Variants in PPP1R9A observed in about 807,000 individuals in gnomAD.
The protein encoded by PPP1R9A is protein phosphatase 1 regulatory subunit 9A, also known as neurabin-1.
PPP1R9A carries 59 observed loss-of-function variants against 141.9 expected under a neutral mutation model. That is an observed-to-expected ratio of 0.42 (90% CI 0.34 to 0.52). The LOEUF is 0.52. Ranked by LOEUF, PPP1R9A falls within the 20% of genes least tolerant of loss-of-function variation. The pLI, the probability that PPP1R9A is intolerant of heterozygous loss-of-function variation, is 0.10. For missense variants in PPP1R9A, 1,444 were observed against 1,611.9 expected, an observed-to-expected ratio of 0.90 and a Z score of 1.78; for synonymous variants, 500 against 569.7, an observed-to-expected ratio of 0.88 and a Z score of 1.74.
intron 5 of PPP1R9A, among the ~76,000 whole-genome samples, chr7:95,185,031 T>C (rs1364218793): frequency 2.0e-5 from 3 of 151,778 alleles, no homozygotes; most frequent in Non-Finnish European, 4.4e-5. Context: ...TTTAAGTTTT[T>C]TTTTTTTTAA....
At chr7:94,913,077 A>C (rs930762644) in intron 2 of PPP1R9A, among the ~76,000 whole-genome samples, 2 of 152,176 alleles carry the variant, frequency 1.3e-5, no homozygotes, top group Admixed American at 6.5e-5. Flanking sequence ...GAATAACTGA[A>C]ATGAACTCTT....
chr7:95,264,258 C>T (rs1172923431), intron 12 of PPP1R9A, among the ~76,000 whole-genome samples: 1 of 152,188 alleles, frequency 6.6e-6, no homozygotes, highest in Non-Finnish European at 1.5e-5. Context: ...TGCTCAGCAC[C>T]TCCATTGGTA....
rs1811508356 is a variant in PPP1R9A, at chr7:95,056,425, T to C, written c.1396-54834T>C. On this transcript the variant is annotated intron_variant, in intron 2 of 19. Transcript: ENST00000433360. ...ATTTCAGTATAACACTGGAGTACTT[T>C]GAGCAGCATAGCAGATATATTTTTT... Among the ~76,000 whole-genome samples the C allele has an allele frequency of 2.0e-5, 3 of 152,198 alleles. No homozygotes were observed. In the South Asian group the frequency reaches 6.2e-4, roughly 31 times the overall value.
intron 2 of PPP1R9A, among the ~76,000 whole-genome samples, chr7:94,989,104 A>G (rs1255812731): frequency 6.6e-6 from 1 of 152,082 alleles, no homozygotes; most frequent in African/African-American, 2.4e-5. Context: ...GTAGGTCTAA[A>G]TGTAGCCTGA....
At chr7:95,234,308 T>C (rs1302699151) in intron 8 of PPP1R9A, among the ~76,000 whole-genome samples, 1 of 152,200 alleles carries the variant, frequency 6.6e-6, no homozygotes, top group Non-Finnish European at 1.5e-5. Flanking sequence ...TTCCTAGAAC[T>C]GGTAAATGAA....
chr7:95,241,046 A>G (rs1240986165), intron 8 of PPP1R9A, among the ~76,000 whole-genome samples: 1 of 152,090 alleles, frequency 6.6e-6, no homozygotes, highest in Admixed American at 6.6e-5. Flanking sequence ...CCCAGTTGCT[A>G]TTTTCTAGCA....
chr7:94,907,565 G>T (rs540424464), upstream of PPP1R9A: 4 of 152,258 alleles, frequency 2.6e-5, no homozygotes, highest in East Asian at 5.8e-4. Context: ...CACGGCCGAG[G>T]GGGTGGGGCG....
chr7:95,063,516 G>T (rs1048998690), intron 2 of PPP1R9A, among the ~76,000 whole-genome samples: 7 of 152,100 alleles, frequency 4.6e-5, no homozygotes, highest in Non-Finnish European at 1.0e-4. Context: ...AGTGAGCTGT[G>T]ATTGTGCCAC....
At chr7:95,097,299 T>C (rs1818174604) in intron 2 of PPP1R9A, among the ~76,000 whole-genome samples, 1 of 152,178 alleles carries the variant, frequency 6.6e-6, no homozygotes, top group Admixed American at 6.5e-5. Context: ...TTGCTGTGAT[T>C]ACAGGTGTGA....
At chr7:95,011,627 A>G (rs190860357) in intron 2 of PPP1R9A, among the ~76,000 whole-genome samples, 1 of 152,250 alleles carries the variant, frequency 6.6e-6, no homozygotes, top group Admixed American at 6.5e-5. Flanking sequence ...TTTAAAAACT[A>G]CTCTACTGGA....
chr7:95,103,093 A>C, intron 2 of PPP1R9A, among the ~76,000 whole-genome samples: 1 of 152,142 alleles, frequency 6.6e-6, no homozygotes, highest in Non-Finnish European at 1.5e-5. Context: ...TTTGGACTTG[A>C]ACTGCAACAT....
At chr7:95,205,544 A>C (rs889781883) in intron 7 of PPP1R9A, among the ~76,000 whole-genome samples, 1 of 152,218 alleles carries the variant, frequency 6.6e-6, no homozygotes, top group African/African-American at 2.4e-5. Context: ...AAAATGCTAA[A>C]AGACATAGTG....
chr7:94,933,061 CAT>C (rs1182600236), intron 2 of PPP1R9A, among the ~76,000 whole-genome samples: 1 of 151,810 alleles, frequency 6.6e-6, no homozygotes, highest in East Asian at 1.9e-4. Flanking sequence ...TATTTAGTGT[CAT>C]ATATATGTAT....
At chr7:95,220,394 C>T (rs535909779) in intron 7 of PPP1R9A, among the ~76,000 whole-genome samples, 56 of 152,156 alleles carry the variant, frequency 3.7e-4, no homozygotes, top group South Asian at 6.2e-4. Context: ...TTGTGATTAG[C>T]GCCATTTAGT....
At chr7:95,138,019 G>A (rs187124777) in intron 4 of PPP1R9A, among the ~76,000 whole-genome samples, 226 of 145,614 alleles carry the variant, frequency 1.6e-3, no homozygotes, top group African/African-American at 5.6e-3. Flanking sequence ...TGCGAACCCC[G>A]CCTCCCAGGT....
chr7:94,944,812 G>A (rs1795720943), intron 2 of PPP1R9A, among the ~76,000 whole-genome samples: 2 of 151,874 alleles, frequency 1.3e-5, no homozygotes, highest in Non-Finnish European at 1.5e-5. Flanking sequence ...TGCATTGGAG[G>A]TAATGCTTTT....
rs1283197275 is a variant in PPP1R9A at position 95,072,813 on chromosome 7, A to G, written c.1396-38446A>G. On this transcript the variant is annotated intron_variant, in intron 2 of 19. Transcript: ENST00000433360. ...TATATTATATTTATAATTATTATATATAATAATTATTATATATATAATAAT... is the reference window on the plus strand; with the variant it reads ...TATATTATATTTATAATTATTATATGTAATAATTATTATATATATAATAAT... Among the ~76,000 whole-genome samples, 4 of 72,658 alleles carry G rather than the reference A, an allele frequency of 5.5e-5. No individual in the cohort carries two copies. The East Asian group carries it at 1.1e-3, about 19-fold the overall frequency. 47.7% of individuals were successfully genotyped at this position (72,658 alleles called of 152,430 possible). A position where few individuals can be genotyped will look rare whatever the true frequency, so the allele number is the denominator to read the frequency against.
chr7:94,986,500 C>G (rs1800853441), intron 2 of PPP1R9A, among the ~76,000 whole-genome samples: 1 of 151,996 alleles, frequency 6.6e-6, no homozygotes, highest in Non-Finnish European at 1.5e-5. Flanking sequence ...GGTTGGTTAA[C>G]AGATACAAAA....
intron 4 of PPP1R9A, among the ~76,000 whole-genome samples, chr7:95,139,300 A>C (rs1398829987): frequency 1.3e-5 from 2 of 152,110 alleles, no homozygotes; most frequent in East Asian, 3.9e-4. Context: ...AAACCACCTG[A>C]TCTCATGAGA....
Sources: gnomAD v4.1 joint callset for allele counts (sites outside exome capture counted in the v4.1 genomes callset) on GRCh38, gnomAD v4.1.1 for gene constraint, MANE v1.5 for transcripts, NCBI Gene and HGNC (gene_info 2026-07-23, HGNC 2026-07-21) for gene names.